The following STOX2 variants were observed in gnomAD, a reference collection of about 807,000 sequenced individuals.
STOX2 encodes the protein storkhead-box protein 2.
A neutral mutation model predicts 60.9 loss-of-function variants in STOX2; 28 were observed. The observed-to-expected ratio is 0.46, with a 90% CI of 0.34 to 0.63. STOX2 has a LOEUF of 0.63. STOX2 is among the 30% of genes least tolerant of loss of function. The probability of loss-of-function intolerance (pLI) is 0.01; values close to 1 mark genes in which losing one functional copy is unlikely to be tolerated. For synonymous variants in STOX2, 472 were observed against 463.9 expected (o/e 1.02, Z -0.22); for missense variants, 1,024 against 1,187.7 (o/e 0.86, Z 2.03).
chr4:183,867,079 G>A (rs1740586140), intron 1 of STOX2, among the ~76,000 whole-genome samples: 1 of 152,014 alleles, frequency 6.6e-6, no homozygotes, highest in South Asian at 2.1e-4. Flanking sequence ...CTGTGTCCAA[G>A]CTTTCAATCA....
At chr4:183,876,438 A>C (rs1740830483) in intron 1 of STOX2, among the ~76,000 whole-genome samples, 2 of 152,342 alleles carry the variant, frequency 1.3e-5, no homozygotes, top group South Asian at 4.2e-4. Flanking sequence ...TGGATGACGT[A>C]AGTGGATGAC....
chr4:183,965,298 G>A (rs1393151520), intron 1 of STOX2, among the ~76,000 whole-genome samples: 1 of 152,164 alleles, frequency 6.6e-6, no homozygotes, highest in South Asian at 2.1e-4. Flanking sequence ...TCCTTTAAAT[G>A]AGGATTACAC....
Position 183,813,240 on chromosome 4 carries a change from G to A in STOX2, c.364+15185G>A, listed in dbSNP as rs139299277. Among the ~76,000 whole-genome samples, 725 of 152,118 alleles carry A rather than the reference G, an allele frequency of 4.8e-3. 10 individuals are homozygous for A. The highest frequency in any genetic ancestry group is 0.016 in the African/African-American group (672 of 41,474). On this transcript the variant is annotated intron_variant, in intron 1 of 2. Transcript: ENST00000513034. ...TCTACTAAAAATACAAAAATTAGCC[G>A]GGCAAGGTGGCGGGCACCTGTAATT... is the stretch of plus-strand genomic sequence containing the variant.
chr4:183,896,676 G>T (rs994803652), intron 1 of STOX2, among the ~76,000 whole-genome samples: 3 of 152,142 alleles, frequency 2.0e-5, no homozygotes, highest in African/African-American at 7.2e-5. Context: ...TCCTACTGCA[G>T]TTTACCTGTG....
At chr4:183,951,131 G>GA (rs533645811) in intron 1 of STOX2, among the ~76,000 whole-genome samples, 1 of 151,138 alleles carries the variant, frequency 6.6e-6, no homozygotes, top group Admixed American at 6.6e-5. Context: ...CAGGAGAATG[G>GA]GTGAACCCGG....
chr4:183,835,596 G>A lies in STOX2; in HGVS notation c.364+37541G>A, dbSNP rs558890166. 2.0e-5 allele frequency among the ~76,000 whole-genome samples: 3 copies of A among 152,266 alleles called. No individual in the cohort carries two copies. The South Asian group carries it at 6.2e-4, about 32-fold the overall frequency. Reference sequence around the variant, plus strand: ...TTTTTAAATATGTTAATTAATTAATGTCTGTCTGTTTTCAATCTCTTCCTC... The same window carrying A: ...TTTTTAAATATGTTAATTAATTAATATCTGTCTGTTTTCAATCTCTTCCTC... On this transcript the variant is annotated intron_variant, in intron 1 of 2. Coordinates refer to the STOX2 transcript ENST00000513034.
chr4:183,834,001 A>AAAG (rs1739641410), intron 1 of STOX2, among the ~76,000 whole-genome samples: 1 of 150,642 alleles, frequency 6.6e-6, no homozygotes, highest in African/African-American at 2.4e-5. Flanking sequence ...AAAAAAAAAA[A>AAAG]GAATGTGAGA....
chr4:183,803,559 C>T (rs1412830731), intron 1 of STOX2, among the ~76,000 whole-genome samples: 1 of 152,218 alleles, frequency 6.6e-6, no homozygotes, highest in Non-Finnish European at 1.5e-5. Context: ...GTGACTAGAG[C>T]ATTCACCAGT....
At chr4:183,980,804 T>C (rs1218930975) in intron 1 of STOX2, among the ~76,000 whole-genome samples, 1 of 152,182 alleles carries the variant, frequency 6.6e-6, no homozygotes, top group Non-Finnish European at 1.5e-5. Flanking sequence ...ATTCTATTGC[T>C]ATGTCTGCTT....
chr4:183,893,367 C>A (rs1202797477), intron 1 of STOX2, among the ~76,000 whole-genome samples: 3 of 152,278 alleles, frequency 2.0e-5, no homozygotes, highest in African/African-American at 7.2e-5. Context: ...AAACATGCTC[C>A]ACATGAAGTG....
At chr4:183,810,529 T>A (rs1481849643) in intron 1 of STOX2, among the ~76,000 whole-genome samples, 1 of 152,036 alleles carries the variant, frequency 6.6e-6, no homozygotes, top group Non-Finnish European at 1.5e-5. Flanking sequence ...CCAAGAAACA[T>A]CAGGGGTGCT....
chr4:183,906,705 C>G lies in STOX2; in HGVS notation c.-86C>G. On this transcript the variant is annotated 5_prime_UTR_variant, in exon 1 of 4. Coordinates refer to ENST00000308497, the MANE Select transcript of STOX2 (RefSeq NM_020225.3). ...AAATGTGCGCAGAGTCCGCCCGGGT[C>G]GTGCCCGCCGTAGACGGATGAAGGA... 1 of 1,358,788 alleles carries G rather than the reference C, an allele frequency of 7.4e-7. No homozygotes were observed. 84.2% of individuals were successfully genotyped at this position (1,358,788 alleles called of 1,614,324 possible).
At chr4:183,970,495 G>A (rs538237046) in intron 1 of STOX2, among the ~76,000 whole-genome samples, 6 of 152,046 alleles carry the variant, frequency 3.9e-5, no homozygotes, top group Non-Finnish European at 7.4e-5. Context: ...GACCCCATTC[G>A]GTGGCCCAGG....
exon 1 of STOX2, chr4:183,798,033 G>C (rs1738667657): frequency 8.1e-7 from 1 of 1,229,356 alleles, no homozygotes; most frequent in Non-Finnish European, 1.0e-6. Flanking sequence ...GGCCGCCCTC[G>C]GGCTTCCACA....
chr4:183,852,726 A>G (rs1324336727), intron 1 of STOX2, among the ~76,000 whole-genome samples: 1 of 152,214 alleles, frequency 6.6e-6, no homozygotes, highest in Non-Finnish European at 1.5e-5. Context: ...ATTTATGTTA[A>G]TAAGGAAGAG....
chr4:183,845,899 G>A (rs1739973077), intron 1 of STOX2, among the ~76,000 whole-genome samples: 1 of 152,152 alleles, frequency 6.6e-6, no homozygotes, highest in Non-Finnish European at 1.5e-5. Context: ...CTTATAATAT[G>A]TACTTAACAG....
At chr4:183,827,845 C>A (rs1267954999) in intron 1 of STOX2, among the ~76,000 whole-genome samples, 2 of 148,888 alleles carry the variant, frequency 1.3e-5, no homozygotes, top group South Asian at 4.2e-4. Context: ...CCACTGCATT[C>A]CAGCCTGGGT....
chr4:184,012,449 G>T (rs1323092061), intron 3 of STOX2, among the ~76,000 whole-genome samples: 1 of 152,068 alleles, frequency 6.6e-6, no homozygotes, highest in African/African-American at 2.4e-5. Context: ...TAATTATTAA[G>T]AATTAAAATT....
chr4:183,851,021 A>G lies in STOX2; in HGVS notation c.364+52966A>G, dbSNP rs200263758. On this transcript the variant is annotated intron_variant, in intron 1 of 2. Coordinates refer to the STOX2 transcript ENST00000513034. ...GGGAAAGGATGAGAGAAAGGATGAGAGAAACGATGAGGGAAAGGATGAGAG... is the reference window on the plus strand; with the variant it reads ...GGGAAAGGATGAGAGAAAGGATGAGGGAAACGATGAGGGAAAGGATGAGAG... Among the ~76,000 whole-genome samples the G allele has an allele frequency of 1.7e-3, 199 of 116,690 alleles. No individual in the cohort carries two copies. The South Asian group carries it at 0.019, about 11-fold the overall frequency. 76.6% of individuals were successfully genotyped at this position (116,690 alleles called of 152,430 possible).
Sources: gnomAD v4.1 joint callset for allele counts (sites outside exome capture counted in the v4.1 genomes callset) on GRCh38, gnomAD v4.1.1 for gene constraint, MANE v1.5 for transcripts, NCBI Gene and HGNC (gene_info 2026-07-23, HGNC 2026-07-21) for gene names.